Variants in MLIP observed in about 807,000 individuals in gnomAD.
MLIP encodes the protein muscular LMNA-interacting protein.
MLIP carries 79 observed loss-of-function variants against 84.8 expected under a neutral mutation model. That is an observed-to-expected ratio of 0.93 (90% confidence interval 0.78 to 1.12). The LOEUF (loss-of-function observed/expected upper bound fraction) is 1.12, where lower values mean the gene tolerates loss of function less well. Ranked by LOEUF, MLIP falls within the 50% of genes most tolerant of loss-of-function variation. MLIP has a pLI of 0.00. For synonymous variants in MLIP, 504 were observed against 463.0 expected (o/e 1.09, Z -1.14); for missense variants, 1,257 against 1,160.6 (o/e 1.08, Z -1.21).
chr6:54,038,395 C>G (rs192060955), intron 1 of MLIP, among the ~76,000 whole-genome samples: 2 of 151,678 alleles, frequency 1.3e-5, no homozygotes, highest in East Asian at 3.9e-4. Context: ...TTTACTCACT[C>G]GAGTAAATGA....
At chr6:54,124,349 T>C (rs1770719897) in intron 2 of MLIP, 124 bp from the exon 3 acceptor site, 1 of 926,690 alleles carries the variant, frequency 1.1e-6, no homozygotes, top group Non-Finnish European at 1.5e-6. Context: ...ATCTCTTTCT[T>C]ATGTCAACCT....
rs757049625 is a variant in MLIP at position 54,137,609 on chromosome 6, G to A, written c.1540G>A (p.Ala514Thr). The A allele has an allele frequency of 1.8e-5, 27 of 1,535,934 alleles. No individual in the cohort carries two copies. Among genetic ancestry groups the A allele is most frequent in the East Asian group, 1.2e-4 (5 of 40,918 alleles). ...QAPSLSPTKQ[A>T]SSSLASMNVE... ...GCCCTCCCTCTCTCCTACAAAACAG[G>A]CTAGTAGCAGCCTTGCTTCCATGAA... Residue 514 changes from alanine (A) to threonine (T), a missense_variant, in exon 4 of 14, where the codon GCT (alanine) becomes ACT (threonine). Physicochemically the swap from Ala to Thr is moderately conservative, Grantham distance 58. Coordinates refer to ENST00000502396, the MANE Select transcript of MLIP (RefSeq NM_001281747.2).
At chr6:54,043,357 C>T (rs950946602) in intron 1 of MLIP, 4 of 152,010 alleles carry the variant, frequency 2.6e-5, no homozygotes, top group African/African-American at 9.7e-5. Context: ...CTTACCTATT[C>T]CCCTTGTGGC....
intron 1 of MLIP, chr6:54,047,741 G>T (rs9474714): frequency 6.6e-6 from 1 of 152,102 alleles, no homozygotes; most frequent in African/African-American, 2.4e-5. Context: ...AACAAGAAGA[G>T]GCTAGAATGT....
At chr6:54,023,981 G>A (rs548160486) in intron 1 of MLIP, among the ~76,000 whole-genome samples, 4 of 152,286 alleles carry the variant, frequency 2.6e-5, no homozygotes, top group African/African-American at 9.6e-5. Context: ...TGATAATTCA[G>A]TGAAGGATAG....
chr6:54,086,633 CTA>C (rs982184274), intron 1 of MLIP, among the ~76,000 whole-genome samples: 4 of 152,162 alleles, frequency 2.6e-5, no homozygotes, highest in Non-Finnish European at 4.4e-5. Context: ...TGACAAGGCC[CTA>C]GCAATCTGGC....
chr6:54,071,368 T>C (rs1766477628), intron 1 of MLIP, among the ~76,000 whole-genome samples: 1 of 152,176 alleles, frequency 6.6e-6, no homozygotes, highest in African/African-American at 2.4e-5. Context: ...TATATTCATA[T>C]TGCATAGTAT....
chr6:54,137,767 G>A lies in MLIP; in HGVS notation c.1698G>A (p.Gln566=). The A allele has an allele frequency of 1.3e-6, 2 of 1,536,072 alleles. No homozygotes were observed. Among genetic ancestry groups the A allele is most frequent in the Middle Eastern group, 3.3e-4 (2 of 5,990 alleles). The change falls in exon 4 of 14, where the codon CAG becomes CAA. Residue 566 remains glutamine (Q), a synonymous_variant. Coordinates refer to ENST00000502396, the MANE Select transcript of MLIP (RefSeq NM_001281747.2). ...CTCTTTCCTCTTTGAAGAGTAAACA[G>A]GATGGTGACCTCAGGGGTCCAGAAA... ...SSSLSSLKSK[Q]DGDLRGPENP...
At position 54,137,775 on chromosome 6, in the gene MLIP, A is replaced by T; in HGVS notation, c.1706A>T (p.Asp569Val). 1.3e-6 allele frequency: 2 copies of T among 1,535,964 alleles called. No homozygotes were observed. The highest frequency in any genetic ancestry group is 1.2e-5 in the South Asian group (1 of 84,052). The stretch of plus-strand genomic sequence containing the variant: ...TCTTTGAAGAGTAAACAGGATGGTG[A>T]CCTCAGGGGTCCAGAAAACCCCAGA... Reference protein sequence around the residue: ...LSSLKSKQDGDLRGPENPRNI... With the variant: ...LSSLKSKQDGVLRGPENPRNI... The change falls in exon 4 of 14, where the codon GAC becomes GTC. Residue 569 changes from aspartate (D) to valine (V), a missense_variant. By Grantham distance (152) the Asp-to-Val change is radical. Coordinates refer to ENST00000502396, the MANE Select transcript of MLIP (RefSeq NM_001281747.2).
intron 11 of MLIP, among the ~76,000 whole-genome samples, chr6:54,209,923 G>A (rs1314879275): frequency 6.6e-6 from 1 of 150,620 alleles, no homozygotes; most frequent in African/African-American, 2.4e-5. Flanking sequence ...TTACAATAAG[G>A]CTCTTGAAAA....
intron 1 of MLIP, among the ~76,000 whole-genome samples, chr6:54,103,996 G>A (rs563054233): frequency 5.9e-5 from 9 of 152,166 alleles, no homozygotes; most frequent in Admixed American, 3.9e-4. Context: ...AAGAAGTTTA[G>A]CACTTCTTAA....
intron 3 of MLIP, among the ~76,000 whole-genome samples, chr6:54,127,100 C>T (rs142197109): frequency 0.015 from 2,292 of 152,194 alleles, 63 homozygotes; most frequent in African/African-American, 0.051. Context: ...TCCATTTTGA[C>T]CTAGGCTACT....
At chr6:54,057,899 G>A (rs982349768) in intron 1 of MLIP, 2 of 152,124 alleles carry the variant, frequency 1.3e-5, no homozygotes, top group Admixed American at 6.6e-5. Context: ...AGAGACTAAA[G>A]GTTCAACAAA....
At chr6:54,020,760 T>C (rs942760479) in intron 1 of MLIP, among the ~76,000 whole-genome samples, 1 of 152,164 alleles carries the variant, frequency 6.6e-6, no homozygotes, top group African/African-American at 2.4e-5. Flanking sequence ...CTCATGAACA[T>C]TACTCTGTAG....
At chr6:54,116,179 G>GTC (rs1769903370) in intron 1 of MLIP, among the ~76,000 whole-genome samples, 1 of 152,158 alleles carries the variant, frequency 6.6e-6, no homozygotes, top group Non-Finnish European at 1.5e-5. Context: ...GCATAAAAGG[G>GTC]TGGCAGGGAT....
intron 8 of MLIP, among the ~76,000 whole-genome samples, chr6:54,161,857 C>G (rs758007019): frequency 2.6e-5 from 4 of 151,702 alleles, no homozygotes; most frequent in Non-Finnish European, 5.9e-5. Context: ...GCCTTTTAAT[C>G]TAAAACTTTG....
At chr6:54,136,478 G>A (rs906136716) in intron 3 of MLIP, among the ~76,000 whole-genome samples, 2 of 152,060 alleles carry the variant, frequency 1.3e-5, no homozygotes, top group Non-Finnish European at 2.9e-5. Context: ...ATTTTACATT[G>A]ATTTCATTCT....
intron 11 of MLIP, among the ~76,000 whole-genome samples, chr6:54,212,886 A>C (rs907022764): frequency 6.6e-6 from 1 of 152,168 alleles, no homozygotes; most frequent in African/African-American, 2.4e-5. Context: ...GTTACCTTTT[A>C]TTTCTTTTTC....
chr6:54,063,230 C>A (rs1373268503), intron 1 of MLIP: 1 of 150,782 alleles, frequency 6.6e-6, no homozygotes, highest in Middle Eastern at 3.4e-3. Context: ...GAAAAAGTTG[C>A]GGGGGAGGTC....
Sources: allele counts gnomAD v4.1 joint callset (sites outside exome capture counted in the v4.1 genomes callset), GRCh38; gene constraint gnomAD v4.1.1; transcripts MANE v1.5; gene names NCBI Gene and HGNC (gene_info 2026-07-23, HGNC 2026-07-21).